BICD1: variants seen among roughly 807,000 people sequenced by gnomAD.
The protein encoded by BICD1 is protein bicaudal D homolog 1.
In BICD1, 35 loss-of-function variants were observed where a neutral mutation model predicts 92.5. The ratio of observed to expected loss-of-function variants is 0.38; its 90% CI spans 0.29 to 0.50. The LOEUF is 0.50. Ranked by LOEUF, BICD1 falls within the 20% of genes least tolerant of loss-of-function variation. The pLI, the probability that BICD1 is intolerant of heterozygous loss-of-function variation, is 0.93. For missense variants in BICD1, 950 were observed against 1,189.8 expected (o/e 0.80, Z 2.97); for synonymous variants, 429 against 465.1 (o/e 0.92, Z 1.00).
Position 32,382,564 on chromosome 12 carries a change from G to A in BICD1, c.*4937G>A, listed in dbSNP as rs1940221773. 1 of 151,556 alleles carries A rather than the reference G, an allele frequency of 6.6e-6. No individual in the cohort carries two copies. Among genetic ancestry groups the A allele is most frequent in the Admixed American group, 6.6e-5 (1 of 15,216 alleles). 9.4% of individuals were successfully genotyped at this position (151,556 alleles called of 1,614,324 possible). A position where few individuals can be genotyped will look rare whatever the true frequency, so the allele number is the denominator to read the frequency against. On this transcript the variant is annotated 3_prime_UTR_variant, in exon 10 of 10. Coordinates refer to ENST00000652176, the MANE Select transcript of BICD1 (RefSeq NM_001714.4). Reference sequence around the variant, plus strand: ...CCTCAGTGTATTTTTATCCCTTCTCGAGTTATTTAAAATTTGCCCTATTTA... The same window carrying A: ...CCTCAGTGTATTTTTATCCCTTCTCAAGTTATTTAAAATTTGCCCTATTTA...
intron 2 of BICD1, among the ~76,000 whole-genome samples, chr12:32,237,937 A>G (rs1946120335): frequency 6.6e-6 from 1 of 152,252 alleles, no homozygotes; most frequent in Non-Finnish European, 1.5e-5. Context: ...CATTTTATAA[A>G]GATATAGCTG....
At chr12:32,180,470 T>C (rs905066808) in intron 1 of BICD1, among the ~76,000 whole-genome samples, 1 of 152,026 alleles carries the variant, frequency 6.6e-6, no homozygotes, top group African/African-American at 2.4e-5. Context: ...AAATTTTTAA[T>C]TTCTGAACTT....
At chr12:32,204,881 C>T (rs1945003732) in intron 1 of BICD1, among the ~76,000 whole-genome samples, 1 of 152,176 alleles carries the variant, frequency 6.6e-6, no homozygotes, top group Non-Finnish European at 1.5e-5. Flanking sequence ...TCAGTTCAGT[C>T]TCAATGTTAC....
At chr12:32,186,057 T>C (rs891172739) in intron 1 of BICD1, among the ~76,000 whole-genome samples, 13 of 152,236 alleles carry the variant, frequency 8.5e-5, no homozygotes, top group African/African-American at 2.4e-4. Flanking sequence ...AATTGCTGCA[T>C]AGAGGCAATG....
At chr12:32,246,309 G>GA (rs1430475548) in intron 2 of BICD1, among the ~76,000 whole-genome samples, 1 of 66,934 alleles carries the variant, frequency 1.5e-5, no homozygotes, top group East Asian at 4.4e-4. Context: ...GAACCCATCA[G>GA]GAAAAAAAAA....
rs142066483 is a variant in BICD1 at position 32,263,704 on chromosome 12, T to C, written c.427-30290T>C. Among the ~76,000 whole-genome samples, 773 of 152,274 alleles carry C rather than the reference T, an allele frequency of 5.1e-3. 4 individuals are homozygous for C. The highest frequency in any genetic ancestry group is 0.017 in the African/African-American group (716 of 41,550). On this transcript the variant is annotated intron_variant, in intron 2 of 9. Coordinates refer to ENST00000652176, the MANE Select transcript of BICD1 (RefSeq NM_001714.4). ...CTCCAAAAGTTCATTCATAAGTAAA[T>C]TGAGACTCAGAATGCATATTTTTCC...
intron 3 of BICD1, among the ~76,000 whole-genome samples, chr12:32,302,710 C>A (rs1052674914): frequency 2.6e-5 from 4 of 151,974 alleles, no homozygotes; most frequent in African/African-American, 7.3e-5. Flanking sequence ...TGGTAGTATG[C>A]CATTGATAGA....
chr12:32,309,748 A>C (rs4385975), intron 4 of BICD1, among the ~76,000 whole-genome samples: 15,290 of 152,210 alleles, frequency 0.1, 878 homozygotes, highest in African/African-American at 0.15. Context: ...CAGTGTCAAC[A>C]TACTTGGAAC....
chr12:32,140,501 A>G (rs1942879040), intron 1 of BICD1, among the ~76,000 whole-genome samples: 1 of 152,082 alleles, frequency 6.6e-6, no homozygotes, highest in South Asian at 2.1e-4. Context: ...TTGTTTTTTG[A>G]TACGGAGTCT....
intron 1 of BICD1, among the ~76,000 whole-genome samples, chr12:32,114,136 G>C (rs571956368): frequency 6.6e-6 from 1 of 152,206 alleles, no homozygotes; most frequent in East Asian, 1.9e-4. Flanking sequence ...CTCCGAAAGT[G>C]CTGGGATTAT....
intron 2 of BICD1, among the ~76,000 whole-genome samples, chr12:32,260,792 C>T (rs1946838715): frequency 6.6e-6 from 1 of 152,130 alleles, no homozygotes; most frequent in Non-Finnish European, 1.5e-5. Flanking sequence ...AGCCTGGATT[C>T]CTGTCTAAGC....
intron 2 of BICD1, among the ~76,000 whole-genome samples, chr12:32,221,356 A>AAT (rs1565597186): frequency 1.0e-4 from 15 of 149,848 alleles, no homozygotes; most frequent in East Asian, 2.0e-4. Context: ...AAAAAATAAA[A>AAT]AAATAAATAA....
At position 32,185,578 on chromosome 12, in the gene BICD1, T is replaced by C. The variant is rs548279946; in HGVS notation, c.214-30669T>C. Among the ~76,000 whole-genome samples the C allele has an allele frequency of 3.9e-5, 6 of 152,290 alleles. No homozygotes were observed. In the South Asian group the frequency reaches 8.3e-4, roughly 21 times the overall value. On this transcript the variant is annotated intron_variant, in intron 1 of 9. Coordinates refer to ENST00000652176, the MANE Select transcript of BICD1 (RefSeq NM_001714.4). ...AACACACACAATGGTTCTTAAAGCT[T>C]CAGCTTCAAAGCAGCACATGTCATG... is the stretch of plus-strand genomic sequence containing the variant.
At chr12:32,112,212 G>C (rs1056951867) in intron 1 of BICD1, among the ~76,000 whole-genome samples, 1 of 152,084 alleles carries the variant, frequency 6.6e-6, no homozygotes, top group Non-Finnish European at 1.5e-5. Flanking sequence ...CTTCATGTTG[G>C]TGAGGTTGGT....
chr12:32,327,338 A>G, intron 4 of BICD1, 123 bp from the exon 5 acceptor site: 2 of 1,186,790 alleles, frequency 1.7e-6, no homozygotes, highest in South Asian at 1.9e-5. Context: ...TTTAATTTGA[A>G]ATAGTGGGAA....
At chr12:32,160,148 C>T (rs1234604484) in intron 1 of BICD1, among the ~76,000 whole-genome samples, 1 of 152,160 alleles carries the variant, frequency 6.6e-6, no homozygotes, top group Non-Finnish European at 1.5e-5. Flanking sequence ...ATGGTAGCTG[C>T]TACCCCTCCC....
chr12:32,346,525 T>C (rs1239396126), intron 8 of BICD1, among the ~76,000 whole-genome samples: 13 of 103,616 alleles, frequency 1.3e-4, no homozygotes, highest in African/African-American at 4.6e-4. Flanking sequence ...AAAAAAAATA[T>C]ATATATACGT....
intron 9 of BICD1, among the ~76,000 whole-genome samples, chr12:32,374,212 CAAAAA>C (rs1297620485): frequency 4.7e-5 from 5 of 106,768 alleles, no homozygotes; most frequent in African/African-American, 1.8e-4. Flanking sequence ...AGATTCTGCT[CAAAAA>C]AAAAAAGAAA....
intron 1 of BICD1, among the ~76,000 whole-genome samples, chr12:32,173,685 A>T (rs1025530898): frequency 6.6e-6 from 1 of 152,158 alleles, no homozygotes; most frequent in African/African-American, 2.4e-5. Context: ...TTCACTCTAA[A>T]CCCAATATTC....
Sources: gnomAD v4.1 joint callset for allele counts (sites outside exome capture counted in the v4.1 genomes callset) on GRCh38, gnomAD v4.1.1 for gene constraint, MANE v1.5 for transcripts, NCBI Gene and HGNC (gene_info 2026-07-23, HGNC 2026-07-21) for gene names.